The following MOBP variants were observed in gnomAD, a reference collection of about 807,000 sequenced individuals.
MOBP encodes the protein myelin-associated oligodendrocyte basic protein.
In MOBP, 5 loss-of-function variants were observed where a neutral mutation model predicts 15.0. That is an observed-to-expected ratio of 0.33 (90% CI 0.17 to 0.70). The LOEUF (loss-of-function observed/expected upper bound fraction) is 0.70, where lower values mean the gene tolerates loss of function less well. Ranked by LOEUF, MOBP falls within the 30% of genes least tolerant of loss-of-function variation. The pLI, the probability that MOBP is intolerant of heterozygous loss-of-function variation, is 0.67. For synonymous variants in MOBP, 88 were observed against 99.0 expected, an observed-to-expected ratio of 0.89 and a Z score of 0.66; for missense variants, 188 against 257.8, an observed-to-expected ratio of 0.73 and a Z score of 1.85.
rs749752901 is a variant in MOBP, at chr3:39,502,619, A to G, written c.291A>G (p.Pro97=). 58 of 1,558,630 alleles carry G rather than the reference A, an allele frequency of 3.7e-5. No homozygotes were observed. The highest frequency in any genetic ancestry group is 4.3e-6 in the Non-Finnish European group (5 of 1,161,012). Residue 97 remains proline (P), a synonymous_variant, in exon 4 of 4, where the codon CCA becomes CCG. Coordinates refer to ENST00000684792, the MANE Select transcript of MOBP (RefSeq NM_001393704.1). This position sits in a 1 kb window ranked among gnomAD's most constrained non-coding sequence, Gnocchi z 6.3. ...PPAVVRAPAK[P]RSPPRSERQP... ...CGGTGGTCAGAGCGCCAGCCAAGCC[A>G]CGGTCCCCTCCGAGGTCTGAGCGTC...
At chr3:39,513,354 G>A (rs1372246361) in intron 4 of MOBP, 3 of 1,606,272 alleles carry the variant, frequency 1.9e-6, no homozygotes, top group Admixed American at 1.7e-5. Context: ...CCTATGTCAT[G>A]TGTTTTTCTT....
intron 1 of MOBP, among the ~76,000 whole-genome samples, chr3:39,469,117 C>CATATGTGTGTGTATATATAT (rs1559412105): frequency 2.1e-5 from 1 of 47,446 alleles, no homozygotes; most frequent in Non-Finnish European, 3.7e-5. Flanking sequence ...TGTATATATA[C>CATATGTGTGTGTATATATAT]ATATATACAT....
At chr3:39,496,864 T>C (rs1216619616) in intron 2 of MOBP, among the ~76,000 whole-genome samples, 2 of 152,054 alleles carry the variant, frequency 1.3e-5, no homozygotes, top group African/African-American at 4.8e-5. Context: ...GGTTTCTCCA[T>C]GTTGGTCCTG....
chr3:39,501,807 A>T (rs1392645735), intron 2 of MOBP, among the ~76,000 whole-genome samples: 6 of 152,208 alleles, frequency 3.9e-5, no homozygotes, highest in Non-Finnish European at 8.8e-5. Context: ...CTAAAACATA[A>T]GGAAAACAAG....
exon 5 of MOBP, chr3:39,513,635 CTCCAGTCAGGGGGT>C (rs2043151061): frequency 5.2e-6 from 3 of 575,022 alleles, no homozygotes; most frequent in East Asian, 5.7e-5. Flanking sequence ...GTGTGTTGTA[CTCCAGTCAGGGGGT>C]TCCAGCAGCA....
chr3:39,497,659 A>G (rs919845956), intron 2 of MOBP, among the ~76,000 whole-genome samples: 5 of 152,276 alleles, frequency 3.3e-5, no homozygotes, highest in Non-Finnish European at 5.9e-5. Context: ...TTAAAAAATG[A>G]GATAAAGTAT....
intron 2 of MOBP, among the ~76,000 whole-genome samples, chr3:39,483,965 T>C (rs2042663767): frequency 1.3e-5 from 2 of 152,198 alleles, no homozygotes; most frequent in African/African-American, 4.8e-5. Flanking sequence ...ACCCAATCAG[T>C]GTCAACGTTC....
intron 1 of MOBP, among the ~76,000 whole-genome samples, chr3:39,479,512 C>T (rs1420055429): frequency 1.3e-5 from 2 of 151,426 alleles, no homozygotes; most frequent in Non-Finnish European, 2.9e-5. Flanking sequence ...TATTAATATC[C>T]TCTGGAAGTT....
intron 2 of MOBP, among the ~76,000 whole-genome samples, chr3:39,486,571 A>C (rs517376): frequency 0.3 from 45,349 of 152,064 alleles, 9,147 homozygotes; most frequent in African/African-American, 0.57. Context: ...GCTCTTCACC[A>C]ACTATGTGTG....
downstream of MOBP, among the ~76,000 whole-genome samples, chr3:39,520,335 C>A (rs942827248): frequency 3.3e-5 from 5 of 152,336 alleles, no homozygotes; most frequent in East Asian, 9.6e-4. Flanking sequence ...TGTTCACCTA[C>A]AATTTTAACT....
chr3:39,497,317 T>C (rs2125650468), intron 2 of MOBP, among the ~76,000 whole-genome samples: 1 of 152,302 alleles, frequency 6.6e-6, no homozygotes, highest in African/African-American at 2.4e-5. Flanking sequence ...CCAAACTCCA[T>C]TCTCTATCTT....
At chr3:39,481,761 A>G (rs1707960) in intron 2 of MOBP, among the ~76,000 whole-genome samples, 41,725 of 152,136 alleles carry the variant, frequency 0.27, 7,297 homozygotes, top group African/African-American at 0.49. Flanking sequence ...ATCAACTCTT[A>G]CTAAAGCCAC....
rs149613834 is a variant in MOBP, at chr3:39,492,746, T to C, written c.-4-9320T>C. On this transcript the variant is annotated intron_variant, in intron 2 of 3. Coordinates refer to ENST00000684792, the MANE Select transcript of MOBP (RefSeq NM_001393704.1). The stretch of plus-strand genomic sequence containing the variant: ...ATTATTTTCCTTTGGAGTTTTGATA[T>C]CTGAAGCCAGTGTGTTATTCTCACA... Among the ~76,000 whole-genome samples, 694 of 152,336 alleles carry C rather than the reference T, an allele frequency of 4.6e-3. 6 individuals are homozygous for C. The highest frequency in any genetic ancestry group is 4.6e-3 in the Non-Finnish European group (315 of 68,036).
chr3:39,477,721 C>T (rs1013608377), intron 1 of MOBP, among the ~76,000 whole-genome samples: 18 of 151,308 alleles, frequency 1.2e-4, no homozygotes, highest in African/African-American at 4.1e-4. Context: ...TGTTATAGTC[C>T]CTGAAGAACT....
At chr3:39,496,828 T>G (rs2125649799) in intron 2 of MOBP, among the ~76,000 whole-genome samples, 1 of 152,256 alleles carries the variant, frequency 6.6e-6, no homozygotes, top group South Asian at 2.1e-4. Context: ...CATGCCCAAC[T>G]AATTTTGTAT....
chr3:39,525,893 T>C (rs2043317957), downstream of MOBP: 1 of 152,264 alleles, frequency 6.6e-6, no homozygotes, highest in Non-Finnish European at 1.5e-5. Context: ...GAAATTTGAC[T>C]GCATGGAGTC....
chr3:39,476,527 A>T (rs1205159877), intron 1 of MOBP, among the ~76,000 whole-genome samples: 1 of 152,218 alleles, frequency 6.6e-6, no homozygotes, highest in African/African-American at 2.4e-5. Context: ...TTTGGATAGT[A>T]AGAAACTGGA....
chr3:39,509,018 C>A (rs780574111), intron 4 of MOBP, among the ~76,000 whole-genome samples: 4 of 151,904 alleles, frequency 2.6e-5, no homozygotes, highest in African/African-American at 4.8e-5. Context: ...TAGTCTCTCT[C>A]TATATATGTG....
chr3:39,502,446 T>C lies in MOBP; in HGVS notation c.207-89T>C. Reference sequence around the variant, plus strand: ...GGAAGGTGGGTGGGGGAGCAGGGCCTTCCTACCTGTTTCCAGCTCCTGCCA... The same window carrying C: ...GGAAGGTGGGTGGGGGAGCAGGGCCCTCCTACCTGTTTCCAGCTCCTGCCA... On this transcript the variant is annotated intron_variant, in intron 3 of 3. Coordinates refer to ENST00000684792, the MANE Select transcript of MOBP (RefSeq NM_001393704.1). This position sits in a 1 kb window ranked among gnomAD's most constrained non-coding sequence, Gnocchi z 6.3. 1 of 1,528,674 alleles carries C rather than the reference T, an allele frequency of 6.5e-7. No individual in the cohort carries two copies. Among genetic ancestry groups the C allele is most frequent in the Non-Finnish European group, 8.7e-7 (1 of 1,143,286 alleles). 94.7% of individuals were successfully genotyped at this position (1,528,674 alleles called of 1,614,324 possible).
Sources: gnomAD v4.1 joint callset for allele counts (sites outside exome capture counted in the v4.1 genomes callset) on GRCh38, gnomAD v4.1.1 for gene constraint, Gnocchi (gnomAD v3.1) non-coding constraint, MANE v1.5 for transcripts, NCBI Gene and HGNC (gene_info 2026-07-23, HGNC 2026-07-21) for gene names.